Variants in PBRM1 observed in about 807,000 individuals in gnomAD.
The protein encoded by PBRM1 is protein polybromo-1.
In PBRM1, 27 loss-of-function variants were observed where a neutral mutation model predicts 194.5. That is an observed-to-expected ratio of 0.14 (90% CI 0.10 to 0.19). The LOEUF is 0.19. Ranked by LOEUF, PBRM1 falls within the 10% of genes least tolerant of loss-of-function variation. PBRM1 has a pLI of 1.00. For missense variants in PBRM1, 1,466 were observed against 2,077.2 expected (o/e 0.71, Z 5.72); for synonymous variants, 655 against 693.2 (o/e 0.94, Z 0.87).
At chr3:52,553,486 G>A (rs2081450034) in intron 27 of PBRM1, among the ~76,000 whole-genome samples, 1 of 150,114 alleles carries the variant, frequency 6.7e-6, no homozygotes, top group African/African-American at 2.4e-5. Context: ...TTTAATGTCA[G>A]GCTTTTTTTT....
At chr3:52,600,559 T>A (rs908413054) in intron 17 of PBRM1, among the ~76,000 whole-genome samples, 9 of 152,206 alleles carry the variant, frequency 5.9e-5, no homozygotes. Context: ...CTCATTCATA[T>A]CCTGAATTGT....
At chr3:52,637,773 CAAAAA>C (rs755241328) in intron 10 of PBRM1, among the ~76,000 whole-genome samples, 8 of 42,234 alleles carry the variant, frequency 1.9e-4, no homozygotes, top group South Asian at 9.7e-4. Context: ...ACTAAAAATA[CAAAAA>C]AAAAAAAAAA....
At chr3:52,679,368 G>A (rs917926874) in intron 1 of PBRM1, among the ~76,000 whole-genome samples, 7 of 152,168 alleles carry the variant, frequency 4.6e-5, no homozygotes, top group African/African-American at 1.7e-4. Flanking sequence ...ATTAATATAT[G>A]ATGTAACATA....
intron 3 of PBRM1, among the ~76,000 whole-genome samples, chr3:52,668,229 G>A (rs911066721): frequency 5.9e-5 from 9 of 152,084 alleles, no homozygotes; most frequent in Non-Finnish European, 8.8e-5. Flanking sequence ...CCTGGGAGGC[G>A]GAGGCTGCCA....
chr3:52,545,787 T>C (rs1460101415), downstream of PBRM1: 2 of 233,098 alleles, frequency 8.6e-6, no homozygotes, highest in Non-Finnish European at 8.5e-6. Flanking sequence ...CTAAGCCACA[T>C]TACTACAGTT....
intron 27 of PBRM1, 121 bp downstream of exon 29, chr3:52,554,603 T>G (rs1575523751): frequency 2.6e-6 from 2 of 781,542 alleles, no homozygotes; most frequent in East Asian, 5.9e-5. Context: ...AACCTTTGGA[T>G]TCTCAGGGAG....
At chr3:52,653,738 C>T (rs184338026) in intron 5 of PBRM1, among the ~76,000 whole-genome samples, 186 of 151,960 alleles carry the variant, frequency 1.2e-3, no homozygotes, top group South Asian at 9.2e-3. Context: ...GGTGAAACCC[C>T]GTCTCTACTA....
intron 3 of PBRM1, among the ~76,000 whole-genome samples, chr3:52,664,451 A>G (rs1283689512): frequency 6.6e-6 from 1 of 151,000 alleles, no homozygotes; most frequent in Non-Finnish European, 1.5e-5. Context: ...AAAGCAACAC[A>G]GACGCTGGGC....
intron 3 of PBRM1, among the ~76,000 whole-genome samples, chr3:52,667,165 G>A (rs2096856108): frequency 6.6e-6 from 1 of 152,082 alleles, no homozygotes. Flanking sequence ...AATCCTAGCT[G>A]CATTAAAGGC....
chr3:52,657,684 G>T (rs2096633985), intron 5 of PBRM1, among the ~76,000 whole-genome samples: 1 of 152,030 alleles, frequency 6.6e-6, no homozygotes, highest in Non-Finnish European at 1.5e-5. Flanking sequence ...TGGCCAGGCT[G>T]GTCTCAAACT....
intron 7 of PBRM1, among the ~76,000 whole-genome samples, chr3:52,645,104 C>T (rs1043279566): frequency 3.3e-5 from 5 of 152,140 alleles, no homozygotes; most frequent in African/African-American, 1.2e-4. Context: ...TTCCAAGACC[C>T]CCAGTGGATG....
At chr3:52,574,528 G>A (rs1290240886) in intron 22 of PBRM1, among the ~76,000 whole-genome samples, 1 of 152,136 alleles carries the variant, frequency 6.6e-6, no homozygotes, top group Non-Finnish European at 1.5e-5. Context: ...AGGCCTCAGA[G>A]GAAAAGATGA....
chr3:52,589,009 G>T, intron 18 of PBRM1, 61 bp downstream of exon 20: 1 of 1,228,028 alleles, frequency 8.1e-7, no homozygotes, highest in Non-Finnish European at 1.2e-6. Context: ...TCCCTGAGGA[G>T]CAAGGAGAAG....
At position 52,564,081 on chromosome 3, in the gene PBRM1, T is replaced by C. The variant is rs150890583; in HGVS notation, c.3844A>G (p.Lys1282Glu). 6 of 1,613,486 alleles carry C rather than the reference T, an allele frequency of 3.7e-6. No individual in the cohort carries two copies. The African/African-American group carries it at 5.3e-5, about 14-fold the overall frequency. Reference sequence around the variant, plus strand: ...TAGTAAATTTCATCATCTACCACTTTAGCAGAGAGTGAAAACCTCTTCAAT... The same window carrying C: ...TAGTAAATTTCATCATCTACCACTTCAGCAGAGAGTGAAAACCTCTTCAAT... Residue 1282 changes from lysine to glutamate, a missense_variant, in exon 23 of 30, where the codon AAA becomes GAA. Physicochemically the swap from Lys to Glu is moderately conservative, Grantham distance 56. Transcript: ENST00000296302.
chr3:52,609,114 T>C lies in PBRM1; in HGVS notation c.2567+199A>G, dbSNP rs190552324. On this transcript the variant is annotated intron_variant, in intron 16 of 29. Coordinates refer to ENST00000296302, the Ensembl canonical transcript of PBRM1. This position sits in a 1 kb window ranked among gnomAD's most constrained non-coding sequence, Gnocchi z 4.1. ...TCCTCCTCACTGGCCTTAAACTAGA[T>C]GACTTAGTGGTGTGCCTTCTCTCCC... 4.0e-6 allele frequency: 2 copies of C among 501,716 alleles called. No homozygotes were observed. The highest frequency in any genetic ancestry group is 3.9e-5 in the African/African-American group (2 of 51,558). The allele number at this position is 501,716 out of a possible 1,614,324, so 31.1% of individuals were successfully genotyped here.
At chr3:52,595,604 T>C (rs574136073) in intron 17 of PBRM1, among the ~76,000 whole-genome samples, 2 of 152,322 alleles carry the variant, frequency 1.3e-5, no homozygotes, top group South Asian at 4.1e-4. Context: ...AGTTTGCAGA[T>C]AGTTTTTTCC....
In PBRM1 at chr3:52,589,051, T is replaced by C. The variant is rs755267099; in HGVS notation, c.2965+19A>G. The stretch of plus-strand genomic sequence containing the variant: ...AGTCATATCTCACTAAACTGTCCTT[T>C]GATTTAAAACAAACTTACCAGCTGA... On this transcript the variant is annotated intron_variant, in intron 18 of 29. Coordinates refer to ENST00000296302, the Ensembl canonical transcript of PBRM1. The C allele has an allele frequency of 1.6e-5, 25 of 1,594,104 alleles. No individual in the cohort carries two copies. Among genetic ancestry groups the C allele is most frequent in the South Asian group, 2.2e-5 (2 of 89,980 alleles).
At chr3:52,550,532 C>T (rs1486933581) in exon 29 of PBRM1, 1 of 1,573,816 alleles carries the variant, frequency 6.4e-7, no homozygotes, top group South Asian at 1.2e-5. Flanking sequence ...GGTGGGGGAG[C>T]TACAAACATG....
At chr3:52,662,923 G>A (rs1201114889) in intron 3 of PBRM1, among the ~76,000 whole-genome samples, 1 of 151,756 alleles carries the variant, frequency 6.6e-6, no homozygotes, top group Non-Finnish European at 1.5e-5. Context: ...TTAAAGGATA[G>A]AAGCTAATGA....
Sources: allele counts gnomAD v4.1 joint callset (sites outside exome capture counted in the v4.1 genomes callset), GRCh38; gene constraint gnomAD v4.1.1; non-coding constraint Gnocchi (gnomAD v3.1); transcripts MANE v1.5; gene names NCBI Gene and HGNC (gene_info 2026-07-23, HGNC 2026-07-21).